Variants in RBPMS observed in about 807,000 individuals in gnomAD.
The protein encoded by RBPMS is RNA binding protein, mRNA processing factor.
A neutral mutation model predicts 26.8 loss-of-function variants in RBPMS; 7 were observed. The observed-to-expected ratio is 0.26, with a 90% CI of 0.15 to 0.49. The LOEUF (loss-of-function observed/expected upper bound fraction) is 0.49. Among genes scored for constraint, RBPMS ranks in the 20% least tolerant of loss-of-function variants. The pLI, the probability that RBPMS is intolerant of heterozygous loss-of-function variation, is 0.98. For synonymous variants in RBPMS, 96 were observed against 93.3 expected (o/e 1.03, Z -0.17); for missense variants, 186 against 250.0 (o/e 0.74, Z 1.73).
chr8:30,523,417 T>A (rs1364251912), intron 5 of RBPMS, among the ~76,000 whole-genome samples: 1 of 151,860 alleles, frequency 6.6e-6, no homozygotes, highest in East Asian at 1.9e-4. Flanking sequence ...AATTTCCTGT[T>A]TTGTTTTACC....
At chr8:30,495,922 G>C (rs778268989) in intron 4 of RBPMS, among the ~76,000 whole-genome samples, 2 of 152,136 alleles carry the variant, frequency 1.3e-5, no homozygotes, top group Non-Finnish European at 1.5e-5. Context: ...ACACACACAC[G>C]CTCTATTGGG....
At chr8:30,433,528 C>T (rs1044144632) in intron 1 of RBPMS, among the ~76,000 whole-genome samples, 2 of 152,046 alleles carry the variant, frequency 1.3e-5, no homozygotes, top group Admixed American at 6.6e-5. Flanking sequence ...AAAAATTAAC[C>T]AGGTGTGGTG....
chr8:30,507,521 G>A (rs1212380291), intron 5 of RBPMS, among the ~76,000 whole-genome samples: 2 of 152,168 alleles, frequency 1.3e-5, no homozygotes, highest in Admixed American at 1.3e-4. Flanking sequence ...GTCTTTGCAA[G>A]TTAGGAGAAA....
chr8:30,517,695 G>A (rs935663474), intron 5 of RBPMS, among the ~76,000 whole-genome samples: 64 of 152,310 alleles, frequency 4.2e-4, no homozygotes, highest in Non-Finnish European at 1.9e-4. Flanking sequence ...AAACAGGCCT[G>A]TAAGGAGCTG....
chr8:30,525,141 A>T (rs1823442844), intron 5 of RBPMS, among the ~76,000 whole-genome samples: 2 of 152,202 alleles, frequency 1.3e-5, no homozygotes, highest in African/African-American at 4.8e-5. Context: ...AAAGTTTTTA[A>T]TGTCATAATT....
chr8:30,559,107 T>C (rs535696399), intron 7 of RBPMS, among the ~76,000 whole-genome samples, 151 bp downstream of exon 7: 4 of 152,354 alleles, frequency 2.6e-5, no homozygotes, highest in East Asian at 3.9e-4. Flanking sequence ...TTGAACTACA[T>C]AGCAGTGCAT....
chr8:30,522,132 G>A (rs1054905084), intron 5 of RBPMS, among the ~76,000 whole-genome samples: 2 of 152,024 alleles, frequency 1.3e-5, no homozygotes, highest in East Asian at 3.8e-4. Context: ...CAGTGTACAC[G>A]TATTCCAAAC....
chr8:30,549,827 TTTTC>T (rs1385854438), intron 6 of RBPMS, among the ~76,000 whole-genome samples: 3 of 135,128 alleles, frequency 2.2e-5, no homozygotes, highest in Non-Finnish European at 4.7e-5. Context: ...TCTCTCTCTC[TTTTC>T]TTTCTTTTCT....
intron 5 of RBPMS, among the ~76,000 whole-genome samples, chr8:30,535,741 A>T (rs1258320518): frequency 6.6e-6 from 1 of 152,192 alleles, no homozygotes; most frequent in Non-Finnish European, 1.5e-5. Flanking sequence ...GATGATTCCC[A>T]GTGTTGTTAC....
At chr8:30,520,590 A>G (rs1459740902) in intron 5 of RBPMS, among the ~76,000 whole-genome samples, 1 of 152,132 alleles carries the variant, frequency 6.6e-6, no homozygotes, top group Non-Finnish European at 1.5e-5. Flanking sequence ...GTTCAGAACC[A>G]TTAGAGGTGC....
chr8:30,454,290 C>G (rs1814945105), intron 1 of RBPMS, among the ~76,000 whole-genome samples: 1 of 152,180 alleles, frequency 6.6e-6, no homozygotes, highest in Non-Finnish European at 1.5e-5. Context: ...AACTTATTAA[C>G]TTATTCATAC....
At chr8:30,421,768 A>G (rs1048741612) in intron 1 of RBPMS, among the ~76,000 whole-genome samples, 5 of 152,112 alleles carry the variant, frequency 3.3e-5, no homozygotes, top group Admixed American at 1.3e-4. Context: ...CATCCTGGCC[A>G]ACATGGTGAA....
rs1321362699 is a variant in RBPMS at position 30,474,850 on chromosome 8, A to G, written c.138A>G (p.Pro46=). 2 of 1,598,134 alleles carry G rather than the reference A, an allele frequency of 1.3e-6. No homozygotes were observed. Among genetic ancestry groups the G allele is most frequent in the South Asian group, 1.1e-5 (1 of 90,620 alleles). The stretch of plus-strand genomic sequence containing the variant: ...GGGAGCTCTATCTGCTTTTCAGACC[A>G]TTTAAGGTACCTTTTTTTATCTTTC... ...KPRELYLLFR[P]FKGYEGSLIK... Residue 46 remains proline (P), a synonymous_variant, in exon 2 of 9, where the codon CCA becomes CCG. Transcript: ENST00000397323.
chr8:30,558,545 C>T (rs1827170095), intron 6 of RBPMS: 2 of 429,436 alleles, frequency 4.7e-6, no homozygotes, highest in Admixed American at 7.0e-5. Context: ...TTTCACCAGC[C>T]TAGGCCTGGG....
At chr8:30,390,303 T>A (rs1807637382) in intron 1 of RBPMS, among the ~76,000 whole-genome samples, 1 of 152,230 alleles carries the variant, frequency 6.6e-6, no homozygotes, top group Non-Finnish European at 1.5e-5. Flanking sequence ...GTCTGCCTTG[T>A]TCCTCAGACA....
intron 5 of RBPMS, among the ~76,000 whole-genome samples, chr8:30,525,235 C>T (rs1461564694): frequency 6.6e-6 from 1 of 152,202 alleles, no homozygotes; most frequent in African/African-American, 2.4e-5. Context: ...CTAAAATATA[C>T]TGGCCTCTCT....
chr8:30,514,680 CTTTTTTTTTT>C (rs577244764), intron 5 of RBPMS, among the ~76,000 whole-genome samples: 31,973 of 83,312 alleles, frequency 0.38, 5,166 homozygotes, highest in Admixed American at 0.57. Flanking sequence ...CCATGCCGGG[CTTTTTTTTTT>C]TTTTTTTTTT....
At chr8:30,559,906 GTTCTT>G (rs1182845609) in intron 7 of RBPMS, among the ~76,000 whole-genome samples, 1 of 152,134 alleles carries the variant, frequency 6.6e-6, no homozygotes, top group Non-Finnish European at 1.5e-5. Context: ...CTAAACTAGT[GTTCTT>G]TTCTTTTTGT....
intron 5 of RBPMS, among the ~76,000 whole-genome samples, chr8:30,524,615 G>T (rs1823393247): frequency 6.6e-6 from 1 of 152,100 alleles, no homozygotes; most frequent in African/African-American, 2.4e-5. Flanking sequence ...AGTAGGGCAA[G>T]GTGAGATGAA....
Sources: gnomAD v4.1 joint callset for allele counts (sites outside exome capture counted in the v4.1 genomes callset) on GRCh38, gnomAD v4.1.1 for gene constraint, MANE v1.5 for transcripts, NCBI Gene and HGNC (gene_info 2026-07-23, HGNC 2026-07-21) for gene names.